Variants in JAKMIP3 observed in about 807,000 individuals in gnomAD.
JAKMIP3 encodes the protein Janus kinase and microtubule interacting protein 3, also known as janus kinase and microtubule-interacting protein 3.
Under a neutral mutation model 118.5 loss-of-function variants are expected in JAKMIP3, and 58 were observed. The observed-to-expected ratio is 0.49, with a 90% CI of 0.40 to 0.61. The LOEUF (loss-of-function observed/expected upper bound fraction) is 0.61, where lower values mean the gene tolerates loss of function less well. Ranked by LOEUF, JAKMIP3 falls within the 20% of genes least tolerant of loss-of-function variation. The pLI, the probability that JAKMIP3 is intolerant of heterozygous loss-of-function variation, is 0.00. For missense variants in JAKMIP3, 950 were observed against 1,109.0 expected (o/e 0.86, Z 2.04); for synonymous variants, 486 against 451.2 (o/e 1.08, Z -0.98).
At chr10:132,134,630 C>T (rs1467786127) in intron 4 of JAKMIP3, among the ~76,000 whole-genome samples, 1 of 152,218 alleles carries the variant, frequency 6.6e-6, no homozygotes, top group Admixed American at 6.5e-5. Flanking sequence ...CGCGCACCCT[C>T]CTGAAGGGGC....
chr10:132,109,806 G>A (rs985140107), intron 2 of JAKMIP3, among the ~76,000 whole-genome samples: 15 of 152,314 alleles, frequency 9.8e-5, no homozygotes, highest in South Asian at 2.1e-4. Flanking sequence ...TTGCAGCTCC[G>A]CAGCTCACAC....
chr10:132,144,249 G>C (rs991881452), intron 11 of JAKMIP3: 2 of 152,302 alleles, frequency 1.3e-5, no homozygotes, highest in African/African-American at 2.4e-5. Context: ...ACCAGGATGC[G>C]GACGGGGGAA....
At chr10:132,056,136 G>A (rs1380597524) in intron 1 of JAKMIP3, among the ~76,000 whole-genome samples, 1 of 152,162 alleles carries the variant, frequency 6.6e-6, no homozygotes, top group Non-Finnish European at 1.5e-5. Flanking sequence ...TGGAAAATCT[G>A]GATGAGTCTG....
chr10:132,102,996 G>C (rs9419193), intron 1 of JAKMIP3, among the ~76,000 whole-genome samples: 60,243 of 149,350 alleles, frequency 0.4, 12,770 homozygotes, highest in African/African-American at 0.52. Context: ...AGAGGAGATG[G>C]GGGCGTGGGG....
chr10:132,180,658 CGTGTGT>C (rs1197794956), intron 23 of JAKMIP3, among the ~76,000 whole-genome samples: 152 of 8,418 alleles, frequency 0.018, 43 homozygotes, highest in East Asian at 0.13. Context: ...TGTGCGTGTG[CGTGTGT>C]GCGTGTGTGT....
chr10:132,171,422 G>A (rs1412600245), intron 23 of JAKMIP3, among the ~76,000 whole-genome samples: 3 of 152,226 alleles, frequency 2.0e-5, no homozygotes, highest in Non-Finnish European at 2.9e-5. Context: ...GCCCTGCTCT[G>A]TGGTAGAGGA....
At chr10:132,180,546 C>CGTGTGTGT (rs1272765694) in intron 23 of JAKMIP3, among the ~76,000 whole-genome samples, 1,475 of 15,940 alleles carry the variant, frequency 0.093, 565 homozygotes, top group Non-Finnish European at 0.1. Flanking sequence ...TGTGTGTGTG[C>CGTGTGTGT]GTGCGTGCAT....
intron 19 of JAKMIP3, among the ~76,000 whole-genome samples, chr10:132,157,710 C>T (rs1302931239): frequency 6.6e-6 from 1 of 152,230 alleles, no homozygotes; most frequent in African/African-American, 2.4e-5. Flanking sequence ...TCCCACCTCT[C>T]TCATGCTATC....
At chr10:132,098,966 A>G (rs2044401987) in intron 1 of JAKMIP3, among the ~76,000 whole-genome samples, 1 of 152,142 alleles carries the variant, frequency 6.6e-6, no homozygotes, top group Admixed American at 6.5e-5. Context: ...TAGGTAAACA[A>G]TTTAGCCCAG....
intron 1 of JAKMIP3, among the ~76,000 whole-genome samples, chr10:132,088,580 T>C (rs957255619): frequency 6.6e-6 from 1 of 152,246 alleles, no homozygotes; most frequent in African/African-American, 2.4e-5. Flanking sequence ...TAAATTTGTT[T>C]GAGTTCTTTG....
At position 132,180,698 on chromosome 10, in the gene JAKMIP3, TGTGTGTGTGCGC is replaced by T. The variant is rs1230565591; in HGVS notation, c.*1104-1647_*1104-1636del. On this transcript the variant is annotated intron_variant, in intron 23 of 23. Transcript: ENST00000684848. Reference sequence around the variant, plus strand: ...GTGCGCGCGCGTGTGTGTGCGTGCGTGTGTGTGTGCGCGTGTGTGTGCGTGTGTGTGCGTGTG... The same window carrying T: ...GTGCGCGCGCGTGTGTGTGCGTGCGTGTGTGTGTGCGTGTGTGTGCGTGTG... Among the ~76,000 whole-genome samples the T allele has an allele frequency of 3.8e-3, 58 of 15,416 alleles. 23 individuals carry two copies. The highest frequency in any genetic ancestry group is 8.2e-3 in the South Asian group (3 of 364). 10.1% of individuals were successfully genotyped at this position (15,416 alleles called of 152,430 possible).
At chr10:132,056,482 C>T (rs979817664) in intron 1 of JAKMIP3, among the ~76,000 whole-genome samples, 1 of 152,200 alleles carries the variant, frequency 6.6e-6, no homozygotes, top group Admixed American at 6.5e-5. Context: ...GGAGACCAAT[C>T]GAGGCCATGT....
chr10:132,083,483 T>C (rs912311356), intron 1 of JAKMIP3, among the ~76,000 whole-genome samples: 12 of 152,226 alleles, frequency 7.9e-5, no homozygotes, highest in African/African-American at 2.9e-4. Context: ...CTCTGGGTTG[T>C]CTCTTCACTC....
At chr10:132,094,977 C>T (rs1486516543) in intron 1 of JAKMIP3, among the ~76,000 whole-genome samples, 1 of 152,232 alleles carries the variant, frequency 6.6e-6, no homozygotes, top group East Asian at 1.9e-4. Flanking sequence ...ATGGCTGCCT[C>T]TGCTGAGTCA....
intron 23 of JAKMIP3, among the ~76,000 whole-genome samples, chr10:132,177,724 A>AGT (rs767600223): frequency 5.5e-5 from 7 of 127,778 alleles, no homozygotes; most frequent in South Asian, 2.6e-4. Context: ...TGCCCTGGGT[A>AGT]GTGTGTGTGT....
At chr10:132,115,957 C>T (rs1237984641) in intron 2 of JAKMIP3, among the ~76,000 whole-genome samples, 4 of 152,184 alleles carry the variant, frequency 2.6e-5, no homozygotes, top group African/African-American at 7.2e-5. Context: ...GGAAACTCCT[C>T]GGAGCGGGAG....
In JAKMIP3 at chr10:132,180,758, TGC is replaced by T. The variant is rs1554963450; in HGVS notation, c.*1104-1597_*1104-1596del. Among the ~76,000 whole-genome samples the T allele has an allele frequency of 1.3e-3, 24 of 18,060 alleles. 4 individuals carry two copies. Among genetic ancestry groups the T allele is most frequent in the Admixed American group, 5.3e-3 (8 of 1,504 alleles). The allele number at this position is 18,060 out of a possible 152,430, so 11.8% of individuals were successfully genotyped here. A position where few individuals can be genotyped will look rare whatever the true frequency, so the allele number is the denominator to read the frequency against. Reference sequence around the variant, plus strand: ...GTGTGCGTGCGTGCGCGCGCGTGTGTGCGTGTGTGTGCGTGTGTGTGTGTGCG... The same window carrying T: ...GTGTGCGTGCGTGCGCGCGCGTGTGTGTGTGTGTGCGTGTGTGTGTGTGCG... On this transcript the variant is annotated intron_variant, in intron 23 of 23. Coordinates refer to ENST00000684848, the MANE Select transcript of JAKMIP3 (RefSeq NM_001323087.2).
At chr10:132,122,310 G>A (rs971905078) in intron 3 of JAKMIP3, among the ~76,000 whole-genome samples, 10 of 151,136 alleles carry the variant, frequency 6.6e-5, no homozygotes, top group South Asian at 2.1e-4. Context: ...TCGGCTCCCC[G>A]GCTGTCGGGG....
At chr10:132,148,634 G>A (rs1014346618) in intron 14 of JAKMIP3, among the ~76,000 whole-genome samples, 16 of 152,228 alleles carry the variant, frequency 1.1e-4, no homozygotes, top group Admixed American at 3.9e-4. Context: ...TGGGGGCCAC[G>A]CGGTGACTGG....
Sources: allele counts gnomAD v4.1 joint callset (sites outside exome capture counted in the v4.1 genomes callset), GRCh38; gene constraint gnomAD v4.1.1; transcripts MANE v1.5; gene names NCBI Gene and HGNC (gene_info 2026-07-23, HGNC 2026-07-21).